The following SYT16 variants were observed in gnomAD, a reference collection of about 807,000 sequenced individuals.
SYT16 encodes the protein synaptotagmin-16.
A neutral mutation model predicts 61.4 loss-of-function variants in SYT16; 42 were observed. That is an observed-to-expected ratio of 0.68 (90% CI 0.53 to 0.89). The LOEUF is 0.89. SYT16 is among the 40% of genes least tolerant of loss of function. SYT16 has a pLI of 0.00. For synonymous variants in SYT16, 314 were observed against 302.3 expected (o/e 1.04, Z -0.40); for missense variants, 804 against 807.3 (o/e 1.00, Z 0.05).
intron 5 of SYT16, 70 bp downstream of exon 5, chr14:62,075,461 A>T: frequency 7.2e-7 from 1 of 1,388,606 alleles, no homozygotes; most frequent in South Asian, 1.9e-5. Flanking sequence ...CTCCTTTCTC[A>T]TCTCTCTAAA....
At chr14:62,007,529 G>T (rs76655940) in intron 3 of SYT16, among the ~76,000 whole-genome samples, 3,095 of 152,264 alleles carry the variant, frequency 0.02, 37 homozygotes, top group Non-Finnish European at 0.033. Context: ...CTGACATACA[G>T]TTTTCAAAGC....
chr14:62,055,810 A>T (rs2055528772), intron 3 of SYT16, among the ~76,000 whole-genome samples: 1 of 152,228 alleles, frequency 6.6e-6, no homozygotes. Context: ...ATAGACTCAC[A>T]TGATCACAAG....
intron 2 of SYT16, among the ~76,000 whole-genome samples, chr14:61,979,154 A>C (rs2051946422): frequency 6.6e-6 from 1 of 152,192 alleles, no homozygotes; most frequent in African/African-American, 2.4e-5. Flanking sequence ...CAGATGTAAA[A>C]ATAAAAATAG....
Position 62,107,400 on chromosome 14 carries a change from T to C in SYT16, c.*6693T>C, listed in dbSNP as rs758814619. 1 of 152,116 alleles carries C rather than the reference T, an allele frequency of 6.6e-6. No homozygotes were observed. Among genetic ancestry groups the C allele is most frequent in the Non-Finnish European group, 1.5e-5 (1 of 68,046 alleles). The allele number at this position is 152,116 out of a possible 1,614,324, so 9.4% of individuals were successfully genotyped here. ...GTGAGCCGGGATCATGCCACTGCAT[T>C]CAGCCTGGGTAGCAGAGTGAGACTC... On this transcript the variant is annotated 3_prime_UTR_variant, in exon 8 of 8. Coordinates refer to ENST00000683842, the MANE Select transcript of SYT16 (RefSeq NM_001367656.1).
rs367851104 is a variant in SYT16, at chr14:62,051,108, G to T, written c.524-18495G>T. 9.2e-5 allele frequency among the ~76,000 whole-genome samples: 14 copies of T among 152,356 alleles called. No homozygotes were observed. The South Asian group carries it at 2.9e-3, about 32-fold the overall frequency. On this transcript the variant is annotated intron_variant, in intron 3 of 7. Transcript: ENST00000683842. ...GGCAGGCAGGCCTCCTTGAGCTGTG[G>T]TGGGCTCCACCCAGTTCGAGCTTCC...
At chr14:61,906,016 A>G (rs2048696887) in intron 1 of SYT16, among the ~76,000 whole-genome samples, 1 of 152,164 alleles carries the variant, frequency 6.6e-6, no homozygotes, top group African/African-American at 2.4e-5. Flanking sequence ...TGGCCTTCCA[A>G]AGTGCTGGGA....
chr14:62,080,062 C>A (rs2056652810), intron 5 of SYT16, among the ~76,000 whole-genome samples: 1 of 152,018 alleles, frequency 6.6e-6, no homozygotes. Flanking sequence ...GTCTATTTGG[C>A]CAGGGTAAAA....
At chr14:61,840,921 A>G (rs1216209399) in intron 1 of SYT16, among the ~76,000 whole-genome samples, 5 of 152,226 alleles carry the variant, frequency 3.3e-5, no homozygotes, top group African/African-American at 1.2e-4. Context: ...CTCAGAGGGA[A>G]AAGCCAATGG....
At chr14:61,820,041 T>C (rs557332151) in intron 1 of SYT16, among the ~76,000 whole-genome samples, 66 of 152,260 alleles carry the variant, frequency 4.3e-4, no homozygotes, top group Admixed American at 9.2e-4. Context: ...TGCCTAGTCA[T>C]TGATTCCATT....
chr14:61,863,810 A>AT (rs200717394), intron 1 of SYT16, among the ~76,000 whole-genome samples: 2,413 of 149,730 alleles, frequency 0.016, 37 homozygotes, highest in Middle Eastern at 0.048. Flanking sequence ...GTCTGTCTAG[A>AT]TTCATTTTTT....
intron 7 of SYT16, among the ~76,000 whole-genome samples, chr14:62,088,509 T>A (rs1312750946): frequency 6.6e-6 from 1 of 152,238 alleles, no homozygotes; most frequent in African/African-American, 2.4e-5. Flanking sequence ...TGTTATTCTT[T>A]AAAATTTTTT....
chr14:62,060,482 T>C (rs113230173), intron 3 of SYT16, among the ~76,000 whole-genome samples: 2 of 151,164 alleles, frequency 1.3e-5, no homozygotes, highest in African/African-American at 4.9e-5. Context: ...TTTTCTTTCA[T>C]GATTGAGAAA....
chr14:62,081,349 C>A lies in SYT16; in HGVS notation c.1434+75C>A, dbSNP rs752322122. On this transcript the variant is annotated intron_variant, in intron 6 of 7. Transcript: ENST00000683842. ...GGGATTGTCAGCCCTTGATTTAGTA[C>A]GTTCAGTCTGTGAATTCAGAGACTT... 7.0e-6 allele frequency: 10 copies of A among 1,435,700 alleles called. No homozygotes were observed. In the African/African-American group the frequency reaches 1.4e-4, roughly 20 times the overall value. The allele number at this position is 1,435,700 out of a possible 1,614,324, so 88.9% of individuals were successfully genotyped here. A position where few individuals can be genotyped will look rare whatever the true frequency, so the allele number is the denominator to read the frequency against.
At chr14:61,875,113 T>C (rs957452920) in intron 1 of SYT16, among the ~76,000 whole-genome samples, 15 of 152,224 alleles carry the variant, frequency 9.9e-5, no homozygotes, top group African/African-American at 3.6e-4. Context: ...TTTGGCACAA[T>C]TGCCATGAGA....
chr14:61,886,784 A>G (rs1440876251), intron 1 of SYT16, among the ~76,000 whole-genome samples: 2 of 151,928 alleles, frequency 1.3e-5, no homozygotes, highest in East Asian at 1.9e-4. Flanking sequence ...GTTCTTAATG[A>G]CATTTAGTGA....
intron 2 of SYT16, among the ~76,000 whole-genome samples, chr14:61,983,108 T>C (rs1186610232): frequency 6.6e-6 from 1 of 152,226 alleles, no homozygotes; most frequent in Non-Finnish European, 1.5e-5. Context: ...GAGGTGACTG[T>C]TTCTGCATTG....
chr14:61,978,315 C>A (rs1014767816), intron 2 of SYT16, among the ~76,000 whole-genome samples: 4 of 152,156 alleles, frequency 2.6e-5, no homozygotes, highest in Non-Finnish European at 4.4e-5. Flanking sequence ...AGGCAAGATT[C>A]TCTTTTCTCA....
chr14:61,846,459 CTGATA>C (rs1164183825), intron 1 of SYT16, among the ~76,000 whole-genome samples: 3 of 152,080 alleles, frequency 2.0e-5, no homozygotes, highest in Non-Finnish European at 4.4e-5. Context: ...TCTATTTTGT[CTGATA>C]TAAGTATAGT....
At chr14:61,889,695 C>A (rs1419426423) in intron 1 of SYT16, among the ~76,000 whole-genome samples, 1 of 151,892 alleles carries the variant, frequency 6.6e-6, no homozygotes, top group Non-Finnish European at 1.5e-5. Context: ...TCTGCACAGG[C>A]AAACTCCCTT....
Sources: allele counts gnomAD v4.1 joint callset (sites outside exome capture counted in the v4.1 genomes callset), GRCh38; gene constraint gnomAD v4.1.1; transcripts MANE v1.5; gene names NCBI Gene and HGNC (gene_info 2026-07-23, HGNC 2026-07-21).